ADGRG6: variants seen among roughly 807,000 people sequenced by gnomAD.
ADGRG6 encodes the protein adhesion G protein-coupled receptor G6.
Under a neutral mutation model 142.4 loss-of-function variants are expected in ADGRG6, and 84 were observed. The ratio of observed to expected loss-of-function variants is 0.59; its 90% CI spans 0.49 to 0.71. ADGRG6 has a LOEUF of 0.71. Among genes scored for constraint, ADGRG6 ranks in the 30% least tolerant of loss-of-function variants. ADGRG6 has a pLI of 0.00. For synonymous variants in ADGRG6, 521 were observed against 520.5 expected, an observed-to-expected ratio of 1.00 and a Z score of -0.01; for missense variants, 1,367 against 1,466.6, an observed-to-expected ratio of 0.93 and a Z score of 1.11.
chr6:142,332,380 A>C (rs760889453), intron 2 of ADGRG6, among the ~76,000 whole-genome samples: 1 of 152,160 alleles, frequency 6.6e-6, no homozygotes, highest in Non-Finnish European at 1.5e-5. Context: ...ATAGACATTG[A>C]AAGTTTTTTA....
rs376330595 is a variant in ADGRG6 at position 142,345,228 on chromosome 6, CAT to C, written c.104-22340_104-22339del. Among the ~76,000 whole-genome samples, 680 of 152,108 alleles carry C rather than the reference CAT, an allele frequency of 4.5e-3. 8 individuals carry two copies. Among genetic ancestry groups the C allele is most frequent in the African/African-American group, 0.016 (649 of 41,534 alleles). On this transcript the variant is annotated intron_variant, in intron 2 of 24. Coordinates refer to ENST00000367609, the MANE Select transcript of ADGRG6 (RefSeq NM_198569.3). ...AATTAATAACGTTTTTCGATACAAA[CAT>C]GTAATTGTCTCTAATCTTTCTTTAG...
intron 2 of ADGRG6, among the ~76,000 whole-genome samples, chr6:142,354,178 C>T (rs1482408462): frequency 6.6e-6 from 1 of 151,978 alleles, no homozygotes; most frequent in East Asian, 1.9e-4. Flanking sequence ...TTCTCATTTT[C>T]TCCTATTAAA....
At chr6:142,405,332 T>C (rs1325345810) in intron 14 of ADGRG6, 1 of 461,606 alleles carries the variant, frequency 2.2e-6, no homozygotes, top group Non-Finnish European at 4.3e-6. Flanking sequence ...CCTTGCCCCT[T>C]TCTCCCATAG....
In ADGRG6 at chr6:142,411,423, A is replaced by T; in HGVS notation, c.2541+12A>T. The T allele has an allele frequency of 7.6e-7, 1 of 1,312,692 alleles. No individual in the cohort carries two copies. The highest frequency in any genetic ancestry group is 1.1e-6 in the Non-Finnish European group (1 of 904,946). The allele number at this position is 1,312,692 out of a possible 1,614,324, so 81.3% of individuals were successfully genotyped here. A position where few individuals can be genotyped will look rare whatever the true frequency, so the allele number is the denominator to read the frequency against. On this transcript the variant is annotated intron_variant, in intron 18 of 24. Transcript: ENST00000367609. The stretch of plus-strand genomic sequence containing the variant: ...TTGGAGTTCTGATGGTAAGGGGGGA[A>T]TTTCTAAGCTCATTTTGACATGCTG...
intron 6 of ADGRG6, among the ~76,000 whole-genome samples, chr6:142,388,659 A>C (rs945193886): frequency 2.6e-5 from 4 of 152,106 alleles, no homozygotes; most frequent in Admixed American, 1.3e-4. Context: ...TCTATTTTAT[A>C]ATAAAGTGTT....
At chr6:142,378,962 A>G (rs1199886750) in intron 4 of ADGRG6, among the ~76,000 whole-genome samples, 1 of 152,160 alleles carries the variant, frequency 6.6e-6, no homozygotes, top group East Asian at 1.9e-4. Flanking sequence ...ATATAGAAAT[A>G]TCTGTGGTTC....
intron 2 of ADGRG6, among the ~76,000 whole-genome samples, chr6:142,345,020 A>G (rs759045285): frequency 8.5e-5 from 13 of 152,074 alleles, no homozygotes; most frequent in African/African-American, 2.9e-4. Context: ...TAGGATTCCA[A>G]CCAGCCCAAT....
intron 2 of ADGRG6, among the ~76,000 whole-genome samples, chr6:142,354,607 A>C (rs1024887911): frequency 6.6e-6 from 1 of 152,204 alleles, no homozygotes; most frequent in African/African-American, 2.4e-5. Context: ...GTTCATCTGC[A>C]TTGTTTGCTT....
intron 2 of ADGRG6, among the ~76,000 whole-genome samples, chr6:142,358,178 A>C (rs1371310441): frequency 6.6e-6 from 1 of 152,244 alleles, no homozygotes; most frequent in African/African-American, 2.4e-5. Flanking sequence ...GTTAATGCCA[A>C]CATAAACCTG....
intron 2 of ADGRG6, among the ~76,000 whole-genome samples, chr6:142,317,828 ATT>A (rs1778187682): frequency 1.2e-5 from 1 of 86,568 alleles, no homozygotes; most frequent in African/African-American, 4.9e-5. Context: ...ATTAATTTAT[ATT>A]ATATATATTT....
At chr6:142,305,886 C>T (rs942616022) in intron 1 of ADGRG6, among the ~76,000 whole-genome samples, 9 of 148,024 alleles carry the variant, frequency 6.1e-5, no homozygotes, top group African/African-American at 1.5e-4. Context: ...GTACTCAAAT[C>T]GAGTTAATAG....
intron 10 of ADGRG6, 139 bp downstream of exon 10, chr6:142,397,894 G>C: frequency 1.9e-6 from 1 of 514,042 alleles, no homozygotes; most frequent in Non-Finnish European, 3.4e-6. Context: ...AGTAACAAAT[G>C]AATGACATAG....
intron 2 of ADGRG6, among the ~76,000 whole-genome samples, chr6:142,317,891 T>A (rs1247425513): frequency 4.0e-5 from 3 of 75,942 alleles, no homozygotes; most frequent in African/African-American, 1.8e-4. Flanking sequence ...TATATTTATA[T>A]TATATATTTA....
intron 4 of ADGRG6, among the ~76,000 whole-genome samples, chr6:142,375,438 AT>A (rs1316655885): frequency 2.6e-5 from 4 of 152,156 alleles, no homozygotes. Flanking sequence ...GGGAGAGGGA[AT>A]TTCCTGCTGC....
chr6:142,357,186 T>A (rs928253940), intron 2 of ADGRG6, among the ~76,000 whole-genome samples: 1 of 152,212 alleles, frequency 6.6e-6, no homozygotes, highest in Non-Finnish European at 1.5e-5. Flanking sequence ...GAAAACTTTT[T>A]AAAGTTCATT....
chr6:142,318,034 A>T (rs1313141987), intron 2 of ADGRG6, among the ~76,000 whole-genome samples: 2 of 37,528 alleles, frequency 5.3e-5, no homozygotes, highest in Non-Finnish European at 8.4e-5. Flanking sequence ...ATTATATATA[A>T]TATATATTTA....
chr6:142,314,443 A>G (rs1777926158), intron 2 of ADGRG6, among the ~76,000 whole-genome samples: 2 of 152,142 alleles, frequency 1.3e-5, no homozygotes, highest in South Asian at 4.1e-4. Flanking sequence ...TAAACAGAGA[A>G]TATTTAGACG....
In ADGRG6 at chr6:142,420,047, T is replaced by G; in HGVS notation, c.3262T>G (p.Trp1088Gly). The G allele has an allele frequency of 6.2e-7, 1 of 1,613,292 alleles. No homozygotes were observed. The highest frequency in any genetic ancestry group is 8.5e-7 in the Non-Finnish European group (1 of 1,179,344). Residue 1088 changes from tryptophan to glycine, a missense_variant, in exon 22 of 25, where the codon TGG becomes GGG. Around this residue, in one of 3 missense-constraint regions of ADGRG6, gnomAD observed 344 missense variants for 348.7 expected, o/e 0.99. Transcript: ENST00000367609. ...GACATGGGGTTTTGCATTCTTTGCC[T>G]GGGGACCCTTAAATATCCCCTTCAT... ...GMTWGFAFFAWGPLNIPFMYL... is the reference protein window; with the variant it reads ...GMTWGFAFFAGGPLNIPFMYL...
intron 2 of ADGRG6, among the ~76,000 whole-genome samples, chr6:142,353,442 C>T (rs1051590561): frequency 1.3e-5 from 2 of 152,118 alleles, no homozygotes; most frequent in Admixed American, 1.3e-4. Context: ...CAGCCTTTCC[C>T]TGAAATCTTG....
Sources: gnomAD v4.1 joint callset for allele counts (sites outside exome capture counted in the v4.1 genomes callset) on GRCh38, gnomAD v4.1.1 for gene constraint, gnomAD v4.1.1 regional missense constraint, MANE v1.5 for transcripts, NCBI Gene and HGNC (gene_info 2026-07-23, HGNC 2026-07-21) for gene names.